The following MTCL1 variants were observed in gnomAD, a reference collection of about 807,000 sequenced individuals.
The protein encoded by MTCL1 is microtubule cross-linking factor 1.
Under a neutral mutation model 141.4 loss-of-function variants are expected in MTCL1, and 79 were observed. That is an observed-to-expected ratio of 0.56 (90% CI 0.47 to 0.67). The LOEUF is 0.67. Ranked by LOEUF, MTCL1 falls within the 30% of genes least tolerant of loss-of-function variation. The pLI is 0.00. For missense variants in MTCL1, 2,177 were observed against 2,113.9 expected, an observed-to-expected ratio of 1.03 and a Z score of -0.59; for synonymous variants, 914 against 875.8, an observed-to-expected ratio of 1.04 and a Z score of -0.77.
rs200288992 is a variant in MTCL1, at chr18:8,798,255, G to A, written c.2400G>A (p.Arg800=). The A allele has an allele frequency of 5.1e-6, 8 of 1,574,856 alleles. No individual in the cohort carries two copies. In the East Asian group the frequency reaches 1.2e-4, roughly 24 times the overall value. The stretch of plus-strand genomic sequence containing the variant: ...TGCAGATTGGAGATCACAGCTTGCG[G>A]CTGCAGACCGCGGACAGGGGACAGC... Residue 800 remains arginine, a synonymous_variant, in exon 10 of 17, where the codon CGG becomes CGA. Transcript: ENST00000359865.
At chr18:8,821,763 A>T (rs1598808785) in intron 14 of MTCL1, among the ~76,000 whole-genome samples, 1 of 152,104 alleles carries the variant, frequency 6.6e-6, no homozygotes, top group Non-Finnish European at 1.5e-5. Context: ...TATACAAAGG[A>T]ATGCTTGTGT....
At chr18:8,723,059 G>A (rs2096183911) in intron 4 of MTCL1, among the ~76,000 whole-genome samples, 1 of 152,184 alleles carries the variant, frequency 6.6e-6, no homozygotes, top group Admixed American at 6.5e-5. Flanking sequence ...TTGTGGGTTA[G>A]AATTACTGAG....
At chr18:8,784,468 G>C in exon 6 of MTCL1, 1 of 1,552,626 alleles carries the variant, frequency 6.4e-7, no homozygotes, top group South Asian at 1.2e-5. Flanking sequence ...AGGACTCTGA[G>C]TACCTAGTGA....
chr18:8,720,179 T>TC lies in MTCL1; in HGVS notation c.199-157dup, dbSNP rs1404004832. The TC allele has an allele frequency of 1.4e-5, 9 of 655,868 alleles. No individual in the cohort carries two copies. The Middle Eastern group carries it at 1.1e-3, about 78-fold the overall frequency. The allele number at this position is 655,868 out of a possible 1,614,324, so 40.6% of individuals were successfully genotyped here. A position where few individuals can be genotyped will look rare whatever the true frequency, so the allele number is the denominator to read the frequency against. On this transcript the variant is annotated intron_variant, in intron 3 of 16. Transcript: ENST00000359865. ...TGTTGATTTCATTTTTAAATGAATC[T>TC]CCTCCTCCTTTTAACAATAAGTCAG... is the stretch of plus-strand genomic sequence containing the variant.
At chr18:8,820,866 A>G (rs2076822956) in intron 13 of MTCL1, among the ~76,000 whole-genome samples, 1 of 152,230 alleles carries the variant, frequency 6.6e-6, no homozygotes, top group Non-Finnish European at 1.5e-5. Flanking sequence ...GTGTTTTCTC[A>G]GCAGACAACC....
At chr18:8,707,464 G>A (rs1030112829) in intron 1 of MTCL1, 8 of 152,660 alleles carry the variant, frequency 5.2e-5, no homozygotes, top group African/African-American at 4.8e-5. Context: ...GGGCAGTGGC[G>A]TCTTAGTCGC....
At chr18:8,729,256 A>G (rs1053291585) in intron 4 of MTCL1, among the ~76,000 whole-genome samples, 3 of 143,020 alleles carry the variant, frequency 2.1e-5, no homozygotes, top group South Asian at 2.2e-4. Context: ...GGGTTTTGCC[A>G]TTTTGCTCAG....
chr18:8,777,764 C>G (rs566464334), intron 4 of MTCL1, 69 bp from the exon 4 acceptor site: 155 of 1,420,376 alleles, frequency 1.1e-4, no homozygotes, highest in Non-Finnish European at 1.5e-4. Context: ...CCCATGGGGA[C>G]GATGTTTGCT....
chr18:8,804,394 T>C (rs985341221), intron 10 of MTCL1, among the ~76,000 whole-genome samples: 6 of 152,092 alleles, frequency 3.9e-5, no homozygotes, highest in African/African-American at 1.4e-4. Flanking sequence ...TAGTTGGGAC[T>C]ACAGGCAAGA....
intron 4 of MTCL1, among the ~76,000 whole-genome samples, chr18:8,759,769 G>A (rs953958941): frequency 2.6e-5 from 4 of 152,208 alleles, no homozygotes; most frequent in Non-Finnish European, 5.9e-5. Context: ...GTTTCTACCA[G>A]TAATCTAGAA....
intron 14 of MTCL1, 90 bp from the exon 14 acceptor site, chr18:8,824,609 G>A (rs2076954119): frequency 8.5e-7 from 1 of 1,183,428 alleles, no homozygotes; most frequent in Admixed American, 2.6e-5. Context: ...TGCCTTCACT[G>A]ACACTTCTCA....
exon 6 of MTCL1, chr18:8,784,323 C>T: frequency 6.4e-7 from 1 of 1,558,250 alleles, no homozygotes; most frequent in Non-Finnish European, 8.7e-7. Flanking sequence ...AGCCGCCTGC[C>T]CCAGCCCAAG....
At chr18:8,783,897 C>T (rs780378801) in exon 6 of MTCL1, 1 of 1,613,382 alleles carries the variant, frequency 6.2e-7, no homozygotes, top group East Asian at 2.2e-5. Context: ...ATTCCTACCT[C>T]ACCCTTCGGT....
chr18:8,804,771 C>T (rs2076235934), intron 10 of MTCL1, among the ~76,000 whole-genome samples: 1 of 152,142 alleles, frequency 6.6e-6, no homozygotes, highest in Non-Finnish European at 1.5e-5. Context: ...GCAGGTGGAT[C>T]AGTTGAGGCC....
intron 1 of MTCL1, among the ~76,000 whole-genome samples, chr18:8,710,329 A>C (rs368680790): frequency 2.7e-4 from 12 of 44,386 alleles, no homozygotes; most frequent in African/African-American, 1.9e-3. Flanking sequence ...GTGAAAACAC[A>C]GACAGAAAAG....
intron 4 of MTCL1, among the ~76,000 whole-genome samples, chr18:8,736,276 C>T (rs569519138): frequency 1.1e-3 from 166 of 152,234 alleles, no homozygotes; most frequent in African/African-American, 3.8e-3. Context: ...CAGTGAAATA[C>T]GGTATGTGTA....
chr18:8,797,996 A>G (rs2075984743), intron 9 of MTCL1, 101 bp from the exon 9 acceptor site: 2 of 1,209,894 alleles, frequency 1.7e-6, no homozygotes, highest in Admixed American at 6.1e-5. Flanking sequence ...ATAGGCGTTG[A>G]TAATCCATAA....
chr18:8,815,186 G>A (rs1442336961), intron 12 of MTCL1, among the ~76,000 whole-genome samples: 4 of 152,140 alleles, frequency 2.6e-5, no homozygotes, highest in East Asian at 3.9e-4. Flanking sequence ...TGTTTATTGC[G>A]GCAGTATTCA....
chr18:8,776,620 G>C (rs559957145), intron 4 of MTCL1, among the ~76,000 whole-genome samples: 51 of 152,260 alleles, frequency 3.3e-4, no homozygotes, highest in African/African-American at 1.2e-3. Context: ...GTTGGAGTGG[G>C]TTTCCTGAGA....
Sources: gnomAD v4.1 joint callset for allele counts (sites outside exome capture counted in the v4.1 genomes callset) on GRCh38, gnomAD v4.1.1 for gene constraint, MANE v1.5 for transcripts, NCBI Gene and HGNC (gene_info 2026-07-23, HGNC 2026-07-21) for gene names.